The following SEMA6D variants were observed in gnomAD, a reference collection of about 807,000 sequenced individuals.
SEMA6D encodes semaphorin 6D.
Under a neutral mutation model 106.6 loss-of-function variants are expected in SEMA6D, and 35 were observed. That is an observed-to-expected ratio of 0.33 (90% CI 0.25 to 0.44). The LOEUF (loss-of-function observed/expected upper bound fraction) is 0.44, where lower values mean the gene tolerates loss of function less well. SEMA6D is among the 20% of genes least tolerant of loss of function. The pLI, the probability that SEMA6D is intolerant of heterozygous loss-of-function variation, is 1.00. For missense variants in SEMA6D, 1,185 were observed against 1,345.9 expected (o/e 0.88, Z 1.87); for synonymous variants, 499 against 487.7 (o/e 1.02, Z -0.31).
intron 1 of SEMA6D, among the ~76,000 whole-genome samples, chr15:47,266,850 C>T (rs541938896): frequency 2.6e-5 from 4 of 152,140 alleles, no homozygotes; most frequent in East Asian, 1.9e-4. Context: ...GTTCAAATAC[C>T]GTAGATTTTT....
chr15:47,734,173 C>T (rs973567001), intron 1 of SEMA6D, among the ~76,000 whole-genome samples: 1 of 152,178 alleles, frequency 6.6e-6, no homozygotes, highest in African/African-American at 2.4e-5. Flanking sequence ...GTCCCTCAGT[C>T]GTAGTAGTAA....
At chr15:47,578,463 A>G (rs28582743) in intron 3 of SEMA6D, among the ~76,000 whole-genome samples, 13,148 of 152,238 alleles carry the variant, frequency 0.086, 816 homozygotes, top group African/African-American at 0.18. Context: ...TAAAATCTCA[A>G]CTAAATGGAA....
At chr15:47,307,507 C>T (rs2036275620) in intron 1 of SEMA6D, among the ~76,000 whole-genome samples, 1 of 151,962 alleles carries the variant, frequency 6.6e-6, no homozygotes. Flanking sequence ...TTTCTCAGCC[C>T]AATTAACAGA....
At chr15:47,219,116 G>A (rs2030948415) in intron 1 of SEMA6D, among the ~76,000 whole-genome samples, 1 of 152,094 alleles carries the variant, frequency 6.6e-6, no homozygotes, top group Non-Finnish European at 1.5e-5. Flanking sequence ...AAATCTTTTT[G>A]ACCCTGGTAG....
chr15:47,768,625 C>T lies in SEMA6D; in HGVS notation c.1810C>T (p.Pro604Ser). 2 of 1,613,076 alleles carry T rather than the reference C, an allele frequency of 1.2e-6. No homozygotes were observed. The highest frequency in any genetic ancestry group is 1.7e-6 in the Non-Finnish European group (2 of 1,179,354). Residue 604 changes from proline (P) to serine (S), a missense_variant, in exon 18 of 19, where the codon CCA becomes TCA. By Grantham distance (74) the Pro-to-Ser change is moderately conservative (BLOSUM62 -1). Around this residue, in one of 3 missense-constraint regions of SEMA6D, gnomAD observed 750 missense variants for 783.5 expected, o/e 0.96. Transcript: ENST00000536845. ...TTCTGTTACCACAATGGCAAGTATC[C>T]CAGAAATCACACCTAAAGTGATTGA... is the stretch of plus-strand genomic sequence containing the variant. The part of the protein sequence containing the change: ...SSSVTTMASI[P>S]EITPKVIDTW...
chr15:47,542,380 A>G (rs763129732), intron 3 of SEMA6D, among the ~76,000 whole-genome samples: 4 of 152,192 alleles, frequency 2.6e-5, no homozygotes, highest in Admixed American at 6.5e-5. Flanking sequence ...CCATTATGCT[A>G]TAGGTGCTAC....
chr15:47,263,687 A>G (rs778657277), intron 1 of SEMA6D, among the ~76,000 whole-genome samples: 13 of 152,016 alleles, frequency 8.6e-5, no homozygotes, highest in African/African-American at 2.6e-4. Context: ...ATGGTTGACT[A>G]TCTTCCACAA....
At chr15:47,503,689 T>TCACACACACACACACACACACACA (rs142397320) in intron 3 of SEMA6D, among the ~76,000 whole-genome samples, 3 of 148,594 alleles carry the variant, frequency 2.0e-5, no homozygotes, top group East Asian at 2.0e-4. Context: ...TCTCTCTCTG[T>TCACACACACACACACACACACACA]CACACACACA....
chr15:47,697,865 C>A (rs535719618), intron 4 of SEMA6D, among the ~76,000 whole-genome samples: 1 of 152,298 alleles, frequency 6.6e-6, no homozygotes, highest in Non-Finnish European at 1.5e-5. Context: ...TTTTGAAGAT[C>A]AGTAACATTT....
chr15:47,372,682 A>G (rs1029053194), intron 1 of SEMA6D, among the ~76,000 whole-genome samples: 13 of 152,174 alleles, frequency 8.5e-5, no homozygotes. Context: ...TAAAACCACA[A>G]TGTTGTTTAT....
chr15:47,258,628 C>T (rs1474245662), intron 1 of SEMA6D, among the ~76,000 whole-genome samples: 3 of 152,052 alleles, frequency 2.0e-5, no homozygotes, highest in African/African-American at 4.8e-5. Context: ...TGCCCTACCC[C>T]GTCTGACCCC....
intron 13 of SEMA6D, chr15:47,765,613 G>T: frequency 1.9e-6 from 1 of 533,524 alleles, no homozygotes; most frequent in Non-Finnish European, 2.8e-6. Flanking sequence ...AGTCAAATGT[G>T]GCCTTCGCAA....
intron 7 of SEMA6D, 68 bp downstream of exon 7, chr15:47,761,819 A>C (rs2082075124): frequency 1.5e-6 from 2 of 1,316,034 alleles, no homozygotes; most frequent in Non-Finnish European, 2.1e-6. Context: ...AATTTAATGG[A>C]AGAGTAAAAG....
chr15:47,333,795 G>A (rs926928348), intron 1 of SEMA6D, among the ~76,000 whole-genome samples: 4 of 152,152 alleles, frequency 2.6e-5, no homozygotes, highest in Admixed American at 1.3e-4. Flanking sequence ...GTTATGATAG[G>A]TATATTGATT....
At chr15:47,353,839 A>T (rs902451220) in intron 1 of SEMA6D, among the ~76,000 whole-genome samples, 1 of 152,170 alleles carries the variant, frequency 6.6e-6, no homozygotes, top group Non-Finnish European at 1.5e-5. Flanking sequence ...ACACTGGGTA[A>T]GGTTTTAAAG....
chr15:47,573,176 GAAAA>G (rs532418855), intron 3 of SEMA6D, among the ~76,000 whole-genome samples: 1 of 144,870 alleles, frequency 6.9e-6, no homozygotes, highest in Admixed American at 6.8e-5. Flanking sequence ...AGTTAAATTA[GAAAA>G]AAAAAATTCA....
At chr15:47,350,320 A>G (rs2038269716) in intron 1 of SEMA6D, among the ~76,000 whole-genome samples, 1 of 152,236 alleles carries the variant, frequency 6.6e-6, no homozygotes, top group Non-Finnish European at 1.5e-5. Context: ...CCCTGCATAC[A>G]GCATATAAAA....
chr15:47,217,593 G>GTGTGTT (rs1395331335), intron 1 of SEMA6D, among the ~76,000 whole-genome samples: 1 of 150,434 alleles, frequency 6.6e-6, no homozygotes, highest in Admixed American at 6.6e-5. Flanking sequence ...GTGTGTGTGT[G>GTGTGTT]TTTAATCCTC....
chr15:47,645,785 C>T (rs900471012), intron 4 of SEMA6D, among the ~76,000 whole-genome samples: 2 of 152,134 alleles, frequency 1.3e-5, no homozygotes, highest in Non-Finnish European at 2.9e-5. Flanking sequence ...CATTGGGATT[C>T]CCACAACTCC....
Sources: allele counts gnomAD v4.1 joint callset (sites outside exome capture counted in the v4.1 genomes callset), GRCh38; gene constraint gnomAD v4.1.1; regional missense constraint gnomAD v4.1.1; transcripts MANE v1.5; gene names NCBI Gene and HGNC (gene_info 2026-07-23, HGNC 2026-07-21).